The following PIP5KL1 variants were observed in gnomAD, a reference collection of about 807,000 sequenced individuals.
The protein encoded by PIP5KL1 is phosphatidylinositol 4-phosphate 5-kinase-like protein 1.
A neutral mutation model predicts 47.6 loss-of-function variants in PIP5KL1; 45 were observed. The ratio of observed to expected loss-of-function variants is 0.94; its 90% CI spans 0.74 to 1.21. PIP5KL1 has a LOEUF of 1.21. Ranked by LOEUF, PIP5KL1 falls within the 50% of genes most tolerant of loss-of-function variation. PIP5KL1 has a pLI of 0.00. For synonymous variants in PIP5KL1, 256 were observed against 234.6 expected, an observed-to-expected ratio of 1.09 and a Z score of -0.84; for missense variants, 577 against 547.6, an observed-to-expected ratio of 1.05 and a Z score of -0.54.
Position 127,930,735 on chromosome 9 carries a change from C to A in PIP5KL1, c.18G>T (p.Pro6=), listed in dbSNP as rs765589171. The A allele has an allele frequency of 2.6e-6, 4 of 1,566,308 alleles. No homozygotes were observed. The highest frequency in any genetic ancestry group is 1.4e-5 in the African/African-American group (1 of 71,620). The part of the protein sequence containing the change: MAAPS[P]GPREVLAPSP... Reference sequence around the variant, plus strand: ...GGTCCGCACCTACCTCGCGGGGCCCCGGGCTCGGCGCAGCCATCGCCCCCG... The same window carrying A: ...GGTCCGCACCTACCTCGCGGGGCCCAGGGCTCGGCGCAGCCATCGCCCCCG... Residue 6 remains proline (P), a synonymous_variant, in exon 1 of 10, where the codon CCG becomes CCT. Coordinates refer to ENST00000388747, the MANE Select transcript of PIP5KL1 (RefSeq NM_001135219.2).
At position 127,927,727 on chromosome 9, in the gene PIP5KL1, C is replaced by T; in HGVS notation, c.480G>A (p.Val160=). 6.4e-7 allele frequency: 1 copy of T among 1,553,598 alleles called. No individual in the cohort carries two copies. The highest frequency in any genetic ancestry group is 8.7e-7 in the Non-Finnish European group (1 of 1,149,934). Residue 160 remains valine, a synonymous_variant, in exon 5 of 10, where the codon GTG becomes GTA. Transcript: ENST00000388747. The surrounding 1 kb of genome is among the most constrained non-coding windows in gnomAD (Gnocchi z 5.5). ...GGGGCAGGTGGGCGAGCAGAGCCTG[C>T]ACCTCTCGGCGCCCCTGGGTCTTCA... ...FFLKTQGRRE[V]QALLAHLPRY...
intron 9 of PIP5KL1, among the ~76,000 whole-genome samples, chr9:127,922,710 A>G (rs1005085173): frequency 1.4e-5 from 2 of 138,440 alleles, no homozygotes; most frequent in African/African-American, 5.4e-5. Flanking sequence ...AAAAAAAAAA[A>G]AGAAAAAAGA....
rs1193419543 is a variant in PIP5KL1, at chr9:127,925,120, A to C, written c.904T>G (p.Phe302Val). The C allele has an allele frequency of 6.2e-7, 1 of 1,614,138 alleles. No individual in the cohort carries two copies. The highest frequency in any genetic ancestry group is 8.5e-7 in the Non-Finnish European group (1 of 1,180,014). ...TGGGAGGCTCACCTGGCCGTGCGGAAGATGAGGCTGCTGCCCGGGCCCCTC... is the reference window on the plus strand; with the variant it reads ...TGGGAGGCTCACCTGGCCGTGCGGACGATGAGGCTGCTGCCCGGGCCCCTC... ...DERGPGSSLI[F>V]RTARSVQGAQ... is the part of the protein sequence containing the mutation. The change falls in exon 9 of 10, where the codon TTC becomes GTC. Residue 302 changes from phenylalanine (F) to valine (V), a missense_variant. Phe to Val is a conservative substitution (Grantham distance 50). Coordinates refer to ENST00000388747, the MANE Select transcript of PIP5KL1 (RefSeq NM_001135219.2).
intron 7 of PIP5KL1, among the ~76,000 whole-genome samples, chr9:127,926,754 G>A (rs964568403): frequency 3.3e-5 from 5 of 152,234 alleles, no homozygotes; most frequent in African/African-American, 1.2e-4. Context: ...CTTGGGGGCA[G>A]CCAATGGCCG....
chr9:127,929,688 CGTGG>C lies in PIP5KL1; in HGVS notation c.224_227del (p.Pro75ArgfsTer13). On this transcript the variant is annotated frameshift_variant and splice_region_variant, in exon 2 of 10. Coordinates refer to ENST00000388747, the MANE Select transcript of PIP5KL1 (RefSeq NM_001135219.2). LOFTEE classifies it high-confidence loss of function. This position sits in a 1 kb window ranked among gnomAD's most constrained non-coding sequence, Gnocchi z 4.0. ...TTCGTGGGACAGATGGGCCACTCAC[CGTGG>C]GTGGGTGGTCCATGGAGACCTGGGT... 6.4e-7 allele frequency: 1 copy of C among 1,557,544 alleles called. No homozygotes were observed. The highest frequency in any genetic ancestry group is 1.9e-5 in the Admixed American group (1 of 53,610).
Position 127,921,922 on chromosome 9 carries a change from G to A in PIP5KL1, c.1110C>T (p.Gly370=). 2 of 1,577,866 alleles carry A rather than the reference G, an allele frequency of 1.3e-6. No homozygotes were observed. Among genetic ancestry groups the A allele is most frequent in the African/African-American group, 1.3e-5 (1 of 74,288 alleles). Residue 370 remains glycine (G), a synonymous_variant, in exon 10 of 10, where the codon GGC becomes GGT. Transcript: ENST00000388747. ...CCGGGCTGACAGTGGAGAAGGTCCG[G>A]CCTGGGTAGCGCAGTGTCTTCCACA... ...EHLWKTLRYP[G]RTFSTVSPAR...
intron 9 of PIP5KL1, among the ~76,000 whole-genome samples, chr9:127,922,414 A>G (rs1831296221): frequency 6.6e-6 from 1 of 152,208 alleles, no homozygotes. Flanking sequence ...AAAAGGATGT[A>G]AGGCTGGGCG....
chr9:127,930,656 C>A (rs1328305196), intron 1 of PIP5KL1, 67 bp downstream of exon 1: 2 of 1,454,832 alleles, frequency 1.4e-6, no homozygotes, highest in East Asian at 5.9e-5. Flanking sequence ...CGCCGCTCGC[C>A]GAGGGGAGGC....
chr9:127,926,124 CTT>C (rs1831358296), intron 7 of PIP5KL1, 145 bp from the exon 8 acceptor site: 4 of 440,892 alleles, frequency 9.1e-6, no homozygotes, highest in Non-Finnish European at 1.6e-5. Flanking sequence ...GTCTTTTTCT[CTT>C]TCTTTCTTTC....
chr9:127,923,332 A>T (rs770233834), intron 9 of PIP5KL1, among the ~76,000 whole-genome samples: 2 of 150,102 alleles, frequency 1.3e-5, no homozygotes, highest in African/African-American at 2.5e-5. Flanking sequence ...GAATGCTGGT[A>T]CCCTGTGGGC....
rs778724667 is a variant in PIP5KL1 at position 127,925,090 on chromosome 9, C to A, written c.917+17G>T. The A allele has an allele frequency of 6.8e-6, 11 of 1,613,542 alleles. No individual in the cohort carries two copies. Among genetic ancestry groups the A allele is most frequent in the Non-Finnish European group, 9.3e-6 (11 of 1,179,722 alleles). On this transcript the variant is annotated intron_variant, in intron 9 of 9. Coordinates refer to ENST00000388747, the MANE Select transcript of PIP5KL1 (RefSeq NM_001135219.2). ...CTCACCACCTCAATCTCGCTGTTGC[C>A]CCTGTGGGAGGCTCACCTGGCCGTG...
chr9:127,928,781 C>CAAGT, intron 2 of PIP5KL1: 1 of 482,882 alleles, frequency 2.1e-6, no homozygotes, highest in Non-Finnish European at 3.7e-6. Context: ...ACAGGCTGGC[C>CAAGT]AAGTGAAGCC....
At chr9:127,928,026 A>G in intron 4 of PIP5KL1, 39 bp downstream of exon 4, 3 of 1,490,010 alleles carry the variant, frequency 2.0e-6, no homozygotes, top group Non-Finnish European at 2.7e-6. Flanking sequence ...AGCCAGGGGT[A>G]CCACTCCCAC....
At position 127,929,954 on chromosome 9, in the gene PIP5KL1, C is replaced by T; in HGVS notation, c.31-69G>A. 7.7e-7 allele frequency: 1 copy of T among 1,305,348 alleles called. No homozygotes were observed. The highest frequency in any genetic ancestry group is 2.6e-5 in the East Asian group (1 of 38,416). The allele number at this position is 1,305,348 out of a possible 1,614,324, so 80.9% of individuals were successfully genotyped here. A position where few individuals can be genotyped will look rare whatever the true frequency, so the allele number is the denominator to read the frequency against. On this transcript the variant is annotated intron_variant, in intron 1 of 9. Transcript: ENST00000388747. This position sits in a 1 kb window ranked among gnomAD's most constrained non-coding sequence, Gnocchi z 4.0. ...GAGGAAAAAGATCAGGGTTCAAGTCCCACTTCCACTACTTGTGAGACTTCC... is the reference window on the plus strand; with the variant it reads ...GAGGAAAAAGATCAGGGTTCAAGTCTCACTTCCACTACTTGTGAGACTTCC...
Position 127,927,345 on chromosome 9 carries a change from G to T in PIP5KL1, c.560-14C>A. 2 of 1,604,218 alleles carry T rather than the reference G, an allele frequency of 1.2e-6. No individual in the cohort carries two copies. The highest frequency in any genetic ancestry group is 1.7e-5 in the Admixed American group (1 of 59,210). On this transcript the variant is annotated splice_polypyrimidine_tract_variant and intron_variant, in intron 5 of 9. Coordinates refer to ENST00000388747, the MANE Select transcript of PIP5KL1 (RefSeq NM_001135219.2). This position sits in a 1 kb window ranked among gnomAD's most constrained non-coding sequence, Gnocchi z 5.5. ...GACTGTGCACTCCTGGAAGGGGAGA[G>T]GGCGCCGGATGAGGATCCCCAAACT...
chr9:127,929,523 C>T lies in PIP5KL1; in HGVS notation c.228+165G>A, dbSNP rs1356969075. Reference sequence around the variant, plus strand: ...CAGGGGGTTCCTCACACCCCCAACGCACCCCAGACGTTCCAGCTCCCACAC... The same window carrying T: ...CAGGGGGTTCCTCACACCCCCAACGTACCCCAGACGTTCCAGCTCCCACAC... On this transcript the variant is annotated intron_variant, in intron 2 of 9. Coordinates refer to ENST00000388747, the MANE Select transcript of PIP5KL1 (RefSeq NM_001135219.2). This position sits in a 1 kb window ranked among gnomAD's most constrained non-coding sequence, Gnocchi z 4.0. Among the ~76,000 whole-genome samples, 1 of 152,058 alleles carries T rather than the reference C, an allele frequency of 6.6e-6. No individual in the cohort carries two copies. The highest frequency in any genetic ancestry group is 1.5e-5 in the Non-Finnish European group (1 of 67,994).
At chr9:127,925,610 C>T (rs947835464) in intron 8 of PIP5KL1, 13 of 506,592 alleles carry the variant, frequency 2.6e-5, no homozygotes, top group African/African-American at 1.4e-4. Flanking sequence ...GGATTATAGG[C>T]GGGTACCACC....
chr9:127,928,145 G>C lies in PIP5KL1; in HGVS notation c.354C>G (p.Asp118Glu). The C allele has an allele frequency of 1.3e-6, 2 of 1,544,856 alleles. No individual in the cohort carries two copies. Among genetic ancestry groups the C allele is most frequent in the Non-Finnish European group, 1.7e-6 (2 of 1,145,924 alleles). ...LRRSLGLAEE[D>E]YQAALGPGGP... ...CGCCGGGGCCCAGGGCAGCCTGATA[G>C]TCCTCCTCCGCCAGGCCCAGGGAGC... Residue 118 changes from aspartate (D) to glutamate (E), a missense_variant, in exon 4 of 10, where the codon GAC becomes GAG. Transcript: ENST00000388747.
At chr9:127,922,713 A>AAG (rs1831305243) in intron 9 of PIP5KL1, among the ~76,000 whole-genome samples, 1 of 138,334 alleles carries the variant, frequency 7.2e-6, no homozygotes, top group East Asian at 2.0e-4. Flanking sequence ...AAAAAAAAAG[A>AAG]AAAAAGAAAA....
Sources: gnomAD v4.1 joint callset for allele counts (sites outside exome capture counted in the v4.1 genomes callset) on GRCh38, gnomAD v4.1.1 for gene constraint, Gnocchi (gnomAD v3.1) non-coding constraint, MANE v1.5 for transcripts, NCBI Gene and HGNC (gene_info 2026-07-23, HGNC 2026-07-21) for gene names.